PRELID2: variants seen among roughly 807,000 people sequenced by gnomAD.
PRELID2 encodes PRELI domain containing 2, also known as PRELI domain-containing protein 2.
A neutral mutation model predicts 28.4 loss-of-function variants in PRELID2; 25 were observed. The observed-to-expected ratio is 0.88, with a 90% confidence interval of 0.64 to 1.23. PRELID2 has a LOEUF of 1.23. PRELID2 is among the 50% of genes most tolerant of loss of function. PRELID2 has a pLI of 0.00. For synonymous variants in PRELID2, 76 were observed against 71.6 expected, an observed-to-expected ratio of 1.06 and a Z score of -0.31; for missense variants, 201 against 214.4, an observed-to-expected ratio of 0.94 and a Z score of 0.39.
At chr5:145,297,815 T>C in the PRELID2 span, among the ~76,000 whole-genome samples, 3 of 151,942 alleles carry the variant, frequency 2.0e-5, no homozygotes, top group African/African-American at 4.8e-5. Flanking sequence ...AGCATTCTTA[T>C]ACACCAATAA....
chr5:145,813,408 A>G (rs1168061833), intron 4 of PRELID2, among the ~76,000 whole-genome samples: 1 of 152,216 alleles, frequency 6.6e-6, no homozygotes, highest in Non-Finnish European at 1.5e-5. Context: ...TGTGGATCCC[A>G]GCTTTCAGCA....
chr5:145,254,815 A>G, the PRELID2 span, among the ~76,000 whole-genome samples: 5 of 151,888 alleles, frequency 3.3e-5, no homozygotes, highest in Non-Finnish European at 5.9e-5. Flanking sequence ...AATGAGAAAG[A>G]TTTACACTGA....
chr5:145,229,280 A>C, the PRELID2 span: 1 of 754,620 alleles, frequency 1.3e-6, no homozygotes, highest in Non-Finnish European at 2.5e-6. Context: ...CAACTGGTTC[A>C]AGGGCCGCAG....
At chr5:145,239,211 CT>C in the PRELID2 span, among the ~76,000 whole-genome samples, 30 of 152,214 alleles carry the variant, frequency 2.0e-4, no homozygotes, top group African/African-American at 7.2e-4. Flanking sequence ...GATTCCTCCT[CT>C]TGTCTAGCTA....
chr5:145,401,294 A>C, the PRELID2 span, among the ~76,000 whole-genome samples: 1 of 151,922 alleles, frequency 6.6e-6, no homozygotes, highest in Non-Finnish European at 1.5e-5. Context: ...AAGAGGGTAG[A>C]TCTCATGTTA....
the PRELID2 span, among the ~76,000 whole-genome samples, chr5:145,418,347 T>A: frequency 2.6e-5 from 4 of 152,046 alleles, no homozygotes; most frequent in Non-Finnish European, 5.9e-5. Flanking sequence ...CTATTTTCAT[T>A]GAACTACCAT....
intron 1 of PRELID2, among the ~76,000 whole-genome samples, chr5:145,738,927 C>A (rs1014182663): frequency 6.6e-6 from 1 of 152,064 alleles, no homozygotes; most frequent in African/African-American, 2.4e-5. Flanking sequence ...AGAAAAAAAT[C>A]TTAAAAAACT....
At position 145,830,404 on chromosome 5, in the gene PRELID2, T is replaced by A. The variant is rs569942964; in HGVS notation, c.75+4773A>T. Among the ~76,000 whole-genome samples the A allele has an allele frequency of 1.7e-3, 254 of 152,302 alleles. 1 individual carries two copies. The highest frequency in any genetic ancestry group is 6.0e-3 in the African/African-American group (251 of 41,548). On this transcript the variant is annotated intron_variant, in intron 1 of 6. Coordinates refer to ENST00000683046, the MANE Select transcript of PRELID2 (RefSeq NM_205846.3). ...GAGTTTAAATTTCAGGCAGATGAAATTTAAGAAGTTCTCTGAATCCAGCTC... is the reference window on the plus strand; with the variant it reads ...GAGTTTAAATTTCAGGCAGATGAAAATTAAGAAGTTCTCTGAATCCAGCTC...
the PRELID2 span, among the ~76,000 whole-genome samples, chr5:145,266,397 C>A: frequency 4.0e-5 from 6 of 149,520 alleles, no homozygotes; most frequent in Non-Finnish European, 7.4e-5. Flanking sequence ...ATAGACAATT[C>A]TCAAAGAAGA....
At chr5:145,275,379 A>C in the PRELID2 span, among the ~76,000 whole-genome samples, 2 of 152,066 alleles carry the variant, frequency 1.3e-5, no homozygotes, top group African/African-American at 4.8e-5. Context: ...AGCCTGAAAT[A>C]GGGGAGGGTC....
At chr5:145,818,732 C>T (rs1485120512) in intron 3 of PRELID2, among the ~76,000 whole-genome samples, 1 of 152,176 alleles carries the variant, frequency 6.6e-6, no homozygotes, top group African/African-American at 2.4e-5. Context: ...CTTTATTACA[C>T]TGAAGAATGT....
In PRELID2 at chr5:145,492,726, C is replaced by A. The variant is rs1752279388; in HGVS notation, n.71-19411G>T. 1.4e-5 allele frequency among the ~76,000 whole-genome samples: 2 copies of A among 141,180 alleles called. 1 individual carries two copies. Among genetic ancestry groups the A allele is most frequent in the South Asian group, 5.3e-4 (2 of 3,790 alleles). The allele number at this position is 141,180 out of a possible 152,430, so 92.6% of individuals were successfully genotyped here. On this transcript the variant is annotated intron_variant and non_coding_transcript_variant, in intron 1 of 2. Coordinates refer to the PRELID2 transcript ENST00000510259. ...GTGAGATAGGGTTCAGAAGTCTGGG[C>A]TGCTGGAGGGCTGCCTATAGCTAAG...
intron 1 of PRELID2, among the ~76,000 whole-genome samples, chr5:145,650,552 A>G (rs997866651): frequency 2.4e-5 from 3 of 127,148 alleles, no homozygotes; most frequent in African/African-American, 3.5e-5. Context: ...ATATATATAT[A>G]TATATATATA....
intron 1 of PRELID2, among the ~76,000 whole-genome samples, chr5:145,823,434 T>A (rs1031695911): frequency 6.6e-6 from 1 of 152,230 alleles, no homozygotes; most frequent in Admixed American, 6.5e-5. Flanking sequence ...CAGCCTAACA[T>A]AAATCAAGAG....
chr5:145,518,004 T>C (rs1490487973), intron 1 of PRELID2, among the ~76,000 whole-genome samples: 2 of 151,970 alleles, frequency 1.3e-5, no homozygotes, highest in Non-Finnish European at 2.9e-5. Flanking sequence ...GGTGGTGGGC[T>C]AGGGGACCGA....
At chr5:145,425,692 G>T in the PRELID2 span, among the ~76,000 whole-genome samples, 1 of 152,100 alleles carries the variant, frequency 6.6e-6, no homozygotes, top group Non-Finnish European at 1.5e-5. Context: ...ACTTATAAGG[G>T]GGAGCTGAAT....
chr5:145,653,666 A>G (rs918750036), intron 1 of PRELID2, among the ~76,000 whole-genome samples: 19 of 152,252 alleles, frequency 1.2e-4, no homozygotes, highest in Non-Finnish European at 2.4e-4. Flanking sequence ...ACATAACGAA[A>G]TGAAGGCAGA....
chr5:145,624,625 C>G (rs986409170), intron 1 of PRELID2, among the ~76,000 whole-genome samples: 6 of 152,030 alleles, frequency 3.9e-5, no homozygotes, highest in Non-Finnish European at 8.8e-5. Context: ...AAGTAAGAAA[C>G]AAAACTGTAA....
intron 1 of PRELID2, among the ~76,000 whole-genome samples, chr5:145,588,698 T>A (rs1753186070): frequency 6.6e-6 from 1 of 152,070 alleles, no homozygotes; most frequent in African/African-American, 2.4e-5. Flanking sequence ...TTGCTCACAA[T>A]TACACTCATG....
Sources: gnomAD v4.1 joint callset for allele counts (sites outside exome capture counted in the v4.1 genomes callset) on GRCh38, gnomAD v4.1.1 for gene constraint, MANE v1.5 for transcripts, NCBI Gene and HGNC (gene_info 2026-07-23, HGNC 2026-07-21) for gene names.